Variants in EPB41L4B observed in about 807,000 individuals in gnomAD.
EPB41L4B encodes the protein band 4.1-like protein 4B.
A neutral mutation model predicts 112.5 loss-of-function variants in EPB41L4B; 30 were observed. The ratio of observed to expected loss-of-function variants is 0.27; its 90% confidence interval spans 0.20 to 0.36. The LOEUF is 0.36. Ranked by LOEUF, EPB41L4B falls within the 10% of genes least tolerant of loss-of-function variation. The pLI is 1.00. For missense variants in EPB41L4B, 1,024 were observed against 1,133.3 expected (o/e 0.90, Z 1.38); for synonymous variants, 408 against 439.7 (o/e 0.93, Z 0.90).
intron 2 of EPB41L4B, among the ~76,000 whole-genome samples, chr9:109,277,906 A>G (rs140919301): frequency 4.8e-4 from 73 of 152,328 alleles, no homozygotes; most frequent in African/African-American, 1.7e-3. Context: ...CTTGGAGTGC[A>G]GGTGGTGACA....
At chr9:109,278,758 G>A (rs917513482) in intron 2 of EPB41L4B, among the ~76,000 whole-genome samples, 2 of 151,966 alleles carry the variant, frequency 1.3e-5, no homozygotes, top group Non-Finnish European at 2.9e-5. Context: ...TGCTTTATCC[G>A]CAATGCTCAG....
At chr9:109,280,475 C>T (rs1835991302) in intron 1 of EPB41L4B, among the ~76,000 whole-genome samples, 1 of 152,334 alleles carries the variant, frequency 6.6e-6, no homozygotes, top group Admixed American at 6.5e-5. Flanking sequence ...GTGGTATACA[C>T]ATGGGGCATG....
chr9:109,212,195 C>T (rs1252290866), intron 17 of EPB41L4B, among the ~76,000 whole-genome samples: 2 of 152,210 alleles, frequency 1.3e-5, no homozygotes, highest in East Asian at 3.8e-4. Flanking sequence ...TTCTGTGCTA[C>T]ACTATATGCT....
At chr9:109,194,151 T>A in intron 21 of EPB41L4B, 69 bp downstream of exon 21, 1 of 1,516,028 alleles carries the variant, frequency 6.6e-7, no homozygotes, top group Non-Finnish European at 9.0e-7. Context: ...CACCAGATGC[T>A]ACTCAGTAAA....
At chr9:109,203,966 A>T (rs994977462) in intron 18 of EPB41L4B, among the ~76,000 whole-genome samples, 2 of 152,214 alleles carry the variant, frequency 1.3e-5, no homozygotes, top group African/African-American at 4.8e-5. Context: ...TCTTGCATTC[A>T]TGCTTTTATT....
chr9:109,284,262 G>A (rs554291390), intron 1 of EPB41L4B, among the ~76,000 whole-genome samples: 1 of 152,284 alleles, frequency 6.6e-6, no homozygotes, highest in East Asian at 1.9e-4. Context: ...ACAACAGAAT[G>A]CTTGCATGGG....
intron 19 of EPB41L4B, among the ~76,000 whole-genome samples, chr9:109,201,819 C>T (rs1588132322): frequency 6.6e-6 from 1 of 152,196 alleles, no homozygotes; most frequent in Admixed American, 6.5e-5. Flanking sequence ...TCATATGGGG[C>T]CTCAGGCTGA....
intron 1 of EPB41L4B, among the ~76,000 whole-genome samples, chr9:109,316,195 A>G (rs993633981): frequency 1.3e-5 from 2 of 152,202 alleles, no homozygotes; most frequent in African/African-American, 2.4e-5. Flanking sequence ...GAAATCCTCC[A>G]TGTTTACACT....
intron 1 of EPB41L4B, among the ~76,000 whole-genome samples, chr9:109,288,702 G>A (rs774841750): frequency 4.9e-4 from 53 of 109,106 alleles, no homozygotes; most frequent in Non-Finnish European, 8.2e-4. Flanking sequence ...CAGCCTTGGT[G>A]ACAGAGCGAG....
At chr9:109,287,803 T>A (rs1836355040) in intron 1 of EPB41L4B, among the ~76,000 whole-genome samples, 1 of 152,080 alleles carries the variant, frequency 6.6e-6, no homozygotes, top group Non-Finnish European at 1.5e-5. Flanking sequence ...GGTCCCACTA[T>A]GTTGCCTAGG....
At chr9:109,297,905 T>C (rs1836798764) in intron 1 of EPB41L4B, among the ~76,000 whole-genome samples, 1 of 152,236 alleles carries the variant, frequency 6.6e-6, no homozygotes, top group East Asian at 1.9e-4. Context: ...CATGAACTTT[T>C]TTCCTTTAAC....
At chr9:109,267,662 G>C in intron 3 of EPB41L4B, 111 bp from the exon 4 acceptor site, 1 of 720,916 alleles carries the variant, frequency 1.4e-6, no homozygotes, top group East Asian at 2.6e-5. Context: ...ACAACATCAG[G>C]ACAGCATAAC....
At chr9:109,215,264 T>G (rs1464368643) in intron 16 of EPB41L4B, among the ~76,000 whole-genome samples, 1 of 152,100 alleles carries the variant, frequency 6.6e-6, no homozygotes, top group East Asian at 1.9e-4. Flanking sequence ...AAGCCTCCAC[T>G]TCAGTACTTT....
intron 1 of EPB41L4B, among the ~76,000 whole-genome samples, chr9:109,288,717 C>T (rs1238623451): frequency 2.5e-4 from 10 of 40,312 alleles, no homozygotes; most frequent in Middle Eastern, 0.025. Flanking sequence ...AGCGAGACTC[C>T]GTCTCAAAAA....
Position 109,320,313 on chromosome 9 carries a change from G to T in EPB41L4B, c.134C>A (p.Ala45Asp). Reference protein sequence around the residue: ...GGPRGGPAAAASSSALPAAPG... With the variant: ...GGPRGGPAAADSSSALPAAPG... ...CGCGGCGGGCAGCGCCGAGGAGGAG[G>T]CGGCGGCGGCCGGGCCCCCCCGTGG... The change falls in exon 1 of 26, where the codon GCC becomes GAC. Residue 45 changes from alanine to aspartate, a missense_variant. Ala to Asp is a moderately radical substitution (Grantham distance 126). Transcript: ENST00000374566. The T allele has an allele frequency of 9.9e-7, 1 of 1,006,976 alleles. No individual in the cohort carries two copies. 62.4% of individuals were successfully genotyped at this position (1,006,976 alleles called of 1,614,324 possible). A position where few individuals can be genotyped will look rare whatever the true frequency, so the allele number is the denominator to read the frequency against.
chr9:109,221,523 T>A (rs893822037), intron 15 of EPB41L4B, among the ~76,000 whole-genome samples: 2 of 152,034 alleles, frequency 1.3e-5, no homozygotes, highest in African/African-American at 4.8e-5. Context: ...GACACCATCA[T>A]TGTCTAGGTG....
intron 22 of EPB41L4B, among the ~76,000 whole-genome samples, chr9:109,191,147 G>A (rs756929754): frequency 6.6e-6 from 1 of 152,084 alleles, no homozygotes; most frequent in African/African-American, 2.4e-5. Flanking sequence ...ACCCTTTGGC[G>A]CTCATGGAAA....
chr9:109,284,148 G>A (rs1224200562), intron 1 of EPB41L4B, among the ~76,000 whole-genome samples: 1 of 152,048 alleles, frequency 6.6e-6, no homozygotes, highest in Non-Finnish European at 1.5e-5. Flanking sequence ...GCTTAACCTA[G>A]CCTACCTTAA....
At chr9:109,238,361 G>A (rs755261841) in intron 15 of EPB41L4B, among the ~76,000 whole-genome samples, 4 of 152,150 alleles carry the variant, frequency 2.6e-5, no homozygotes, top group African/African-American at 9.7e-5. Flanking sequence ...GTCACATGGT[G>A]GTCAGTGTCC....
Sources: allele counts gnomAD v4.1 joint callset (sites outside exome capture counted in the v4.1 genomes callset), GRCh38; gene constraint gnomAD v4.1.1; transcripts MANE v1.5; gene names NCBI Gene and HGNC (gene_info 2026-07-23, HGNC 2026-07-21).